NIM1K: variants seen among roughly 807,000 people sequenced by gnomAD.
The protein encoded by NIM1K is serine/threonine-protein kinase NIM1.
Under a neutral mutation model 37.1 loss-of-function variants are expected in NIM1K, and 35 were observed. The ratio of observed to expected loss-of-function variants is 0.94; its 90% CI spans 0.72 to 1.25. The LOEUF is 1.25. NIM1K is among the 50% of genes most tolerant of loss of function. NIM1K has a pLI of 0.00. For missense variants in NIM1K, 564 were observed against 548.0 expected (o/e 1.03, Z -0.29); for synonymous variants, 234 against 206.6 (o/e 1.13, Z -1.14).
At chr5:43,226,812 AG>A (rs1422574919) in intron 1 of NIM1K, among the ~76,000 whole-genome samples, 1 of 152,194 alleles carries the variant, frequency 6.6e-6, no homozygotes, top group East Asian at 1.9e-4. Flanking sequence ...AAAGATATGA[AG>A]TCAAGGACCA....
chr5:43,231,020 AAT>A (rs1471583896), intron 1 of NIM1K, among the ~76,000 whole-genome samples: 1 of 152,254 alleles, frequency 6.6e-6, no homozygotes, highest in African/African-American at 2.4e-5. Flanking sequence ...CTAATCAAAA[AAT>A]ATATTATTTT....
Position 43,206,617 on chromosome 5 carries a change from T to C in NIM1K, c.-695+14206T>C, listed in dbSNP as rs537870618. The C allele has an allele frequency of 1.6e-5, 10 of 643,334 alleles. No homozygotes were observed. In the African/African-American group the frequency reaches 1.8e-4, roughly 12 times the overall value. 39.9% of individuals were successfully genotyped at this position (643,334 alleles called of 1,614,324 possible). A position where few individuals can be genotyped will look rare whatever the true frequency, so the allele number is the denominator to read the frequency against. On this transcript the variant is annotated intron_variant, in intron 1 of 3. Transcript: ENST00000326035. ...GAGCAAGTGCTAGTCCTGGCCTCCC[T>C]GGTGCAGCGCACTCCCTGCCTGCTG...
chr5:43,245,976 G>A lies in NIM1K; in HGVS notation c.201G>A (p.Leu67=). 3 of 1,614,134 alleles carry A rather than the reference G, an allele frequency of 1.9e-6. No homozygotes were observed. Among genetic ancestry groups the A allele is most frequent in the South Asian group, 1.1e-5 (1 of 91,072 alleles). ...QDEKVVREIT[L]GKRIGFYRIR... ...AGAAGGTGGTGAGGGAGATCACGCT[G>A]GGGAAACGGATAGGCTTCTACCGAA... Residue 67 remains leucine, a synonymous_variant, in exon 2 of 4, where the codon CTG becomes CTA. Transcript: ENST00000326035.
At chr5:43,211,320 C>T (rs1752201189) in intron 1 of NIM1K, among the ~76,000 whole-genome samples, 1 of 152,128 alleles carries the variant, frequency 6.6e-6, no homozygotes, top group Non-Finnish European at 1.5e-5. Context: ...GTCTCTTTGA[C>T]AGTGAAAGGT....
chr5:43,230,927 C>T (rs1398736441), intron 1 of NIM1K, among the ~76,000 whole-genome samples: 1 of 152,230 alleles, frequency 6.6e-6, no homozygotes, highest in Non-Finnish European at 1.5e-5. Context: ...AGTAGTGACT[C>T]CAGCATTTCT....
intron 2 of NIM1K, among the ~76,000 whole-genome samples, chr5:43,247,639 G>A (rs1306963909): frequency 6.6e-6 from 1 of 152,242 alleles, no homozygotes; most frequent in Non-Finnish European, 1.5e-5. Context: ...CTGGGCATGG[G>A]TAGTATTTGA....
At chr5:43,213,941 CTTTCTTTCTTT>C (rs1307308984) in intron 1 of NIM1K, among the ~76,000 whole-genome samples, 6 of 150,888 alleles carry the variant, frequency 4.0e-5, no homozygotes, top group Admixed American at 1.3e-4. Context: ...TTCTCTCTTT[CTTTCTTTCTTT>C]TTTCTTTCTC....
rs921850891 is a variant in NIM1K at position 43,280,146 on chromosome 5, G to A, written c.728G>A (p.Arg243Gln). The change falls in exon 4 of 4, where the codon CGG becomes CAG. Residue 243 changes from arginine to glutamine, a missense_variant. By Grantham distance (43) the Arg-to-Gln change is conservative. Transcript: ENST00000326035. Reference sequence around the variant, plus strand: ...CCCTACGCTGCGCCTGAACTCTTCCGGGACGAGCACTACATCGGCATTTAC... The same window carrying A: ...CCCTACGCTGCGCCTGAACTCTTCCAGGACGAGCACTACATCGGCATTTAC... ...SPPYAAPELF[R>Q]DEHYIGIYVD... The A allele has an allele frequency of 3.1e-6, 5 of 1,614,042 alleles. No homozygotes were observed. In the African/African-American group the frequency reaches 4.0e-5, roughly 13 times the overall value.
intron 2 of NIM1K, among the ~76,000 whole-genome samples, chr5:43,251,075 A>G (rs915456079): frequency 2.0e-5 from 3 of 152,250 alleles, no homozygotes; most frequent in African/African-American, 7.2e-5. Flanking sequence ...GACATATAGT[A>G]ACCACTCAAA....
intron 3 of NIM1K, 58 bp from the exon 4 acceptor site, chr5:43,279,919 TACA>T: frequency 7.5e-7 from 1 of 1,340,806 alleles, no homozygotes; most frequent in South Asian, 1.3e-5. Flanking sequence ...GAGCAACTGA[TACA>T]TTTTTTATTT....
intron 1 of NIM1K, among the ~76,000 whole-genome samples, chr5:43,213,185 C>CT (rs1333725146): frequency 1.4e-5 from 1 of 73,804 alleles, no homozygotes; most frequent in East Asian, 2.7e-4. Flanking sequence ...TTCTTTCTTT[C>CT]TTTCTTTCTT....
At position 43,206,978 on chromosome 5, in the gene NIM1K, A is replaced by G. The variant is rs1394536041; in HGVS notation, c.-695+14567A>G. ...AGAAGAGATCGACGGTATTTTGAAC[A>G]AAGCGGAATTGAGTCAGGACAGTAC... On this transcript the variant is annotated intron_variant, in intron 1 of 3. Coordinates refer to ENST00000326035, the MANE Select transcript of NIM1K (RefSeq NM_153361.4). The G allele has an allele frequency of 6.6e-6, 5 of 759,648 alleles. No individual in the cohort carries two copies. In the African/African-American group the frequency reaches 6.8e-5, roughly 10 times the overall value. The allele number at this position is 759,648 out of a possible 1,614,324, so 47.1% of individuals were successfully genotyped here.
chr5:43,275,916 T>TC (rs1474450020), intron 2 of NIM1K, among the ~76,000 whole-genome samples: 5 of 150,726 alleles, frequency 3.3e-5, no homozygotes, highest in Non-Finnish European at 7.4e-5. Flanking sequence ...TTTTTTTTTT[T>TC]CTGAGACGGA....
Position 43,231,816 on chromosome 5 carries a change from T to C in NIM1K, c.-694-13266T>C. On this transcript the variant is annotated intron_variant, in intron 1 of 3. Transcript: ENST00000326035. Reference sequence around the variant, plus strand: ...CACCTTTGTGACGTTTTCACTTTAGTATTCCTCTCTTTCTTCCTCACCTTC... The same window carrying C: ...CACCTTTGTGACGTTTTCACTTTAGCATTCCTCTCTTTCTTCCTCACCTTC... 2.3e-5 allele frequency: 28 copies of C among 1,226,882 alleles called. No individual in the cohort carries two copies. The South Asian group carries it at 3.3e-4, about 14-fold the overall frequency. 76.0% of individuals were successfully genotyped at this position (1,226,882 alleles called of 1,614,324 possible). A position where few individuals can be genotyped will look rare whatever the true frequency, so the allele number is the denominator to read the frequency against.
chr5:43,202,211 T>A (rs764980140), intron 1 of NIM1K, among the ~76,000 whole-genome samples: 1 of 152,058 alleles, frequency 6.6e-6, no homozygotes, highest in Non-Finnish European at 1.5e-5. Context: ...AGAAACAGGA[T>A]CTCCCTCTGT....
chr5:43,218,038 G>T (rs1752328475), intron 1 of NIM1K, among the ~76,000 whole-genome samples: 2 of 149,634 alleles, frequency 1.3e-5, no homozygotes, highest in South Asian at 4.2e-4. Flanking sequence ...TTGAGACTGA[G>T]TCTCAGTCTG....
rs1294118303 is a variant in NIM1K at position 43,213,217 on chromosome 5, C to CTTTTT, written c.-695+20809_-695+20810insTTTTT. Among the ~76,000 whole-genome samples the CTTTTT allele has an allele frequency of 7.9e-4, 36 of 45,360 alleles. 1 individual carries two copies. Among genetic ancestry groups the CTTTTT allele is most frequent in the African/African-American group, 2.5e-3 (33 of 13,354 alleles). The allele number at this position is 45,360 out of a possible 152,430, so 29.8% of individuals were successfully genotyped here. A position where few individuals can be genotyped will look rare whatever the true frequency, so the allele number is the denominator to read the frequency against. ...TCTTTCTTTCTTTCTTTCTTTCTTT[C>CTTTTT]TTTCTTTCCTTCTTTTCTTCCTTTC... On this transcript the variant is annotated intron_variant, in intron 1 of 3. Coordinates refer to ENST00000326035, the MANE Select transcript of NIM1K (RefSeq NM_153361.4).
At chr5:43,210,637 C>T (rs1206087829) in intron 1 of NIM1K, among the ~76,000 whole-genome samples, 1 of 152,106 alleles carries the variant, frequency 6.6e-6, no homozygotes, top group East Asian at 1.9e-4. Context: ...GAATGTCATG[C>T]ATTGTCATGT....
intron 1 of NIM1K, among the ~76,000 whole-genome samples, chr5:43,215,432 C>T (rs1278530027): frequency 6.6e-6 from 1 of 152,114 alleles, no homozygotes; most frequent in Non-Finnish European, 1.5e-5. Flanking sequence ...CAGCAAAAGG[C>T]CCATCTTTTT....
Sources: allele counts gnomAD v4.1 joint callset (sites outside exome capture counted in the v4.1 genomes callset), GRCh38; gene constraint gnomAD v4.1.1; transcripts MANE v1.5; gene names NCBI Gene and HGNC (gene_info 2026-07-23, HGNC 2026-07-21).